The following RGL1 variants were observed in gnomAD, a reference collection of about 807,000 sequenced individuals.
RGL1 encodes ral guanine nucleotide dissociation stimulator-like 1.
In RGL1, 24 loss-of-function variants were observed where a neutral mutation model predicts 95.2. The observed-to-expected ratio is 0.25, with a 90% confidence interval of 0.18 to 0.35. The LOEUF is 0.35. Ranked by LOEUF, RGL1 falls within the 10% of genes least tolerant of loss-of-function variation. The pLI, the probability that RGL1 is intolerant of heterozygous loss-of-function variation, is 1.00. For missense variants in RGL1, 715 were observed against 936.3 expected (o/e 0.76, Z 3.08); for synonymous variants, 329 against 344.9 (o/e 0.95, Z 0.51).
At chr1:183,918,701 A>G (rs1035811880) in intron 16 of RGL1, among the ~76,000 whole-genome samples, 1 of 152,154 alleles carries the variant, frequency 6.6e-6, no homozygotes, top group African/African-American at 2.4e-5. Flanking sequence ...CTTCCCCAGC[A>G]AATGGGCTGC....
Position 183,806,385 on chromosome 1 carries a change from A to G in RGL1, c.38A>G (p.Gln13Arg). The G allele has an allele frequency of 6.2e-7, 1 of 1,613,426 alleles. No individual in the cohort carries two copies. The highest frequency in any genetic ancestry group is 1.1e-5 in the South Asian group (1 of 91,036). The part of the protein sequence containing the change: ...LLWQAKMSSI[Q>R]DWGEEVEEGA... The stretch of plus-strand genomic sequence containing the variant: ...TCCCGTCCCTGGCAGAGCTCGATTC[A>G]GGACTGGGGTGAAGAGGTAGAGGAA... The change falls in exon 2 of 18, where the codon CAG (glutamine) becomes CGG (arginine). Residue 13 changes from glutamine to arginine, a missense_variant. Transcript: ENST00000360851.
At chr1:183,809,528 C>T (rs1001151513) in intron 2 of RGL1, among the ~76,000 whole-genome samples, 4 of 152,146 alleles carry the variant, frequency 2.6e-5, no homozygotes, top group African/African-American at 9.7e-5. Context: ...AAATACTGAC[C>T]CATTTTCCCT....
intron 2 of RGL1, among the ~76,000 whole-genome samples, chr1:183,757,240 A>T (rs1359511529): frequency 1.3e-5 from 2 of 152,206 alleles, no homozygotes; most frequent in Admixed American, 6.5e-5. Context: ...ATGGGGCTTC[A>T]CATTGTAAAA....
rs1656223534 is a variant in RGL1 at position 183,724,933 on chromosome 1, G to T, written c.-32-17193G>T. 6.6e-6 allele frequency among the ~76,000 whole-genome samples: 1 copy of T among 151,506 alleles called. No homozygotes were observed. The highest frequency in any genetic ancestry group is 2.0e-4 in the East Asian group (1 of 5,068). ...AGTGGTAGTGGCCACAGGGGTGGTTGTGTCATCTCTCCCCCAGCTCTAGGC... is the reference window on the plus strand; with the variant it reads ...AGTGGTAGTGGCCACAGGGGTGGTTTTGTCATCTCTCCCCCAGCTCTAGGC... On this transcript the variant is annotated intron_variant, in intron 1 of 18. Coordinates refer to the RGL1 transcript ENST00000304685. This position sits in a 1 kb window ranked among gnomAD's most constrained non-coding sequence, Gnocchi z 4.1.
intron 2 of RGL1, among the ~76,000 whole-genome samples, chr1:183,846,536 AT>A (rs66568622): frequency 1.1e-3 from 148 of 140,738 alleles, no homozygotes; most frequent in African/African-American, 1.4e-3. Context: ...TTAAAGTATA[AT>A]TTTTAAAAAA....
At chr1:183,830,126 G>GCT (rs1398529394) in intron 2 of RGL1, among the ~76,000 whole-genome samples, 2 of 152,302 alleles carry the variant, frequency 1.3e-5, no homozygotes, top group Admixed American at 1.3e-4. Context: ...AAGAAGTGAT[G>GCT]CTCTAGTCCT....
chr1:183,648,098 T>A lies in RGL1; in HGVS notation c.-33+11597T>A. On this transcript the variant is annotated intron_variant, in intron 1 of 18. Coordinates refer to the RGL1 transcript ENST00000304685. ...GTTTTACGCCTGTTATGGCATTGAT[T>A]TCATATGCGTTGTGCCTGTCAGCCA... 1 of 1,614,244 alleles carries A rather than the reference T, an allele frequency of 6.2e-7. No homozygotes were observed. The highest frequency in any genetic ancestry group is 8.5e-7 in the Non-Finnish European group (1 of 1,180,058).
At chr1:183,820,396 T>C (rs927056614) in intron 2 of RGL1, among the ~76,000 whole-genome samples, 1 of 152,222 alleles carries the variant, frequency 6.6e-6, no homozygotes, top group Non-Finnish European at 1.5e-5. Flanking sequence ...GCTTATTTAT[T>C]GGTTAATGAG....
At chr1:183,806,958 G>A (rs1661387485) in intron 2 of RGL1, among the ~76,000 whole-genome samples, 1 of 152,154 alleles carries the variant, frequency 6.6e-6, no homozygotes, top group Admixed American at 6.6e-5. Context: ...TTTGAGGGGT[G>A]GTAGATTTCC....
chr1:183,640,543 T>A (rs1266612866), intron 1 of RGL1, among the ~76,000 whole-genome samples: 1 of 152,204 alleles, frequency 6.6e-6, no homozygotes, highest in African/African-American at 2.4e-5. Context: ...TGCCAAAGAA[T>A]AAGTCTTATT....
chr1:183,723,227 C>T (rs1405310293), intron 1 of RGL1, among the ~76,000 whole-genome samples: 1 of 152,116 alleles, frequency 6.6e-6, no homozygotes, highest in African/African-American at 2.4e-5. Context: ...TTTAAAAATA[C>T]TCAGCTAGCA....
chr1:183,805,184 C>A lies in RGL1; in HGVS notation c.-114C>A. ...GCGGCGCGTGTCTGTGCGCTGCGGT[C>A]GCTCGGGACCGGGACCGGGGCGAGG... On this transcript the variant is annotated 5_prime_UTR_variant, in exon 1 of 18. Transcript: ENST00000360851. 3 of 1,398,730 alleles carry A rather than the reference C, an allele frequency of 2.1e-6. No individual in the cohort carries two copies. The highest frequency in any genetic ancestry group is 3.0e-5 in the South Asian group (2 of 65,692). The allele number at this position is 1,398,730 out of a possible 1,614,324, so 86.6% of individuals were successfully genotyped here.
At chr1:183,722,875 A>G (rs182733485) in intron 1 of RGL1, among the ~76,000 whole-genome samples, 7 of 152,324 alleles carry the variant, frequency 4.6e-5, no homozygotes, top group African/African-American at 1.7e-4. Flanking sequence ...ATCTACACAA[A>G]AGAATAAAGA....
chr1:183,657,852 T>C (rs565823730), intron 1 of RGL1, among the ~76,000 whole-genome samples: 14 of 152,022 alleles, frequency 9.2e-5, no homozygotes, highest in Non-Finnish European at 2.1e-4. Flanking sequence ...TCTAGATCCC[T>C]GAGGAATCGC....
chr1:183,836,833 A>G (rs1458698339), intron 2 of RGL1, among the ~76,000 whole-genome samples: 1 of 152,202 alleles, frequency 6.6e-6, no homozygotes, highest in Non-Finnish European at 1.5e-5. Context: ...GTCCACATAG[A>G]CTTTAAATAT....
At chr1:183,676,783 G>A (rs1301200710) in intron 1 of RGL1, among the ~76,000 whole-genome samples, 1 of 147,194 alleles carries the variant, frequency 6.8e-6, no homozygotes, top group Admixed American at 6.7e-5. Flanking sequence ...GTGTAAGCCT[G>A]CAGATAAGCT....
chr1:183,657,307 T>C (rs1651241028), intron 1 of RGL1, among the ~76,000 whole-genome samples: 2 of 152,248 alleles, frequency 1.3e-5, no homozygotes, highest in African/African-American at 4.8e-5. Flanking sequence ...TTTATTATTA[T>C]ACTTTAAGTT....
chr1:183,721,690 T>A (rs1198737957), intron 1 of RGL1, among the ~76,000 whole-genome samples: 2 of 152,228 alleles, frequency 1.3e-5, no homozygotes, highest in African/African-American at 4.8e-5. Flanking sequence ...CTCTTCAGGA[T>A]GAAGTTTCTT....
In RGL1 at chr1:183,912,068, C is replaced by T; in HGVS notation, c.1563-14C>T. 1 of 1,606,576 alleles carries T rather than the reference C, an allele frequency of 6.2e-7. No homozygotes were observed. The highest frequency in any genetic ancestry group is 8.5e-7 in the Non-Finnish European group (1 of 1,174,890). On this transcript the variant is annotated splice_polypyrimidine_tract_variant and intron_variant, in intron 14 of 17. Transcript: ENST00000360851. ...TGTAACAGCCCAAATGCTTGGCATT[C>T]TGTTTTTTTCCAGACTGTTTCTAGG...
Sources: allele counts gnomAD v4.1 joint callset (sites outside exome capture counted in the v4.1 genomes callset), GRCh38; gene constraint gnomAD v4.1.1; non-coding constraint Gnocchi (gnomAD v3.1); transcripts MANE v1.5; gene names NCBI Gene and HGNC (gene_info 2026-07-23, HGNC 2026-07-21).